PITPNC1: variants seen among roughly 807,000 people sequenced by gnomAD.
PITPNC1 encodes cytoplasmic phosphatidylinositol transfer protein 1.
PITPNC1 carries 18 observed loss-of-function variants against 44.7 expected under a neutral mutation model. That is an observed-to-expected ratio of 0.40 (90% CI 0.28 to 0.60). PITPNC1 has a LOEUF of 0.60. PITPNC1 is among the 20% of genes least tolerant of loss of function. The pLI, the probability that PITPNC1 is intolerant of heterozygous loss-of-function variation, is 0.39. For synonymous variants in PITPNC1, 141 were observed against 149.6 expected (o/e 0.94, Z 0.42); for missense variants, 290 against 418.4 (o/e 0.69, Z 2.68).
At chr17:67,658,787 C>G (rs1272615828) in intron 6 of PITPNC1, among the ~76,000 whole-genome samples, 1 of 152,032 alleles carries the variant, frequency 6.6e-6, no homozygotes, top group African/African-American at 2.4e-5. Flanking sequence ...CTATCCTTTA[C>G]TTACTCAGTT....
At position 67,494,185 on chromosome 17, in the gene PITPNC1, T is replaced by TTCTTTCTCTTTCTTTCTTTCTTTCTTTC; in HGVS notation, c.49-38616_49-38615insCTTTCTCTTTCTTTCTTTCTTTCTTTCT. Among the ~76,000 whole-genome samples the TTCTTTCTCTTTCTTTCTTTCTTTCTTTC allele has an allele frequency of 8.6e-4, 88 of 102,494 alleles. 1 individual carries two copies. Among genetic ancestry groups the TTCTTTCTCTTTCTTTCTTTCTTTCTTTC allele is most frequent in the East Asian group, 6.7e-3 (23 of 3,454 alleles). The allele number at this position is 102,494 out of a possible 152,430, so 67.2% of individuals were successfully genotyped here. On this transcript the variant is annotated intron_variant, in intron 1 of 8. Transcript: ENST00000581322. ...CCTCTTTCTTTCTTTCTTTCTTTCTTTTTCTTTCTTTCTTTCTTTCTTTCT... is the reference window on the plus strand; with the variant it reads ...CCTCTTTCTTTCTTTCTTTCTTTCTTTCTTTCTCTTTCTTTCTTTCTTTCTTTCTTTCTTTCTTTCTTTCTTTCTTTCT...
intron 2 of PITPNC1, among the ~76,000 whole-genome samples, chr17:67,534,885 C>T (rs75039096): frequency 1.5e-3 from 222 of 152,210 alleles, no homozygotes; most frequent in Middle Eastern, 0.014. Flanking sequence ...GGGCCTCGGA[C>T]GTGGTTAGAC....
chr17:67,430,332 C>T (rs2038836845), intron 1 of PITPNC1, among the ~76,000 whole-genome samples: 1 of 151,286 alleles, frequency 6.6e-6, no homozygotes. Flanking sequence ...GTGGTGAATC[C>T]CTGTCTCTAC....
intron 7 of PITPNC1, among the ~76,000 whole-genome samples, chr17:67,673,565 T>C (rs2042548092): frequency 6.6e-6 from 1 of 152,152 alleles, no homozygotes; most frequent in Non-Finnish European, 1.5e-5. Context: ...CTTTCAATGG[T>C]AAACGGCCTT....
At chr17:67,467,383 CTT>C (rs2039444390) in intron 1 of PITPNC1, among the ~76,000 whole-genome samples, 2 of 152,044 alleles carry the variant, frequency 1.3e-5, no homozygotes, top group African/African-American at 4.8e-5. Context: ...ACTAAAATAT[CTT>C]TTCAGATACA....
intron 5 of PITPNC1, among the ~76,000 whole-genome samples, chr17:67,587,986 C>T (rs1017913327): frequency 1.3e-5 from 2 of 152,028 alleles, no homozygotes; most frequent in Non-Finnish European, 2.9e-5. Flanking sequence ...TGACAATAGC[C>T]ATCGTGAAGT....
chr17:67,537,446 G>T lies in PITPNC1; in HGVS notation c.197+4496G>T, dbSNP rs545360119. On this transcript the variant is annotated intron_variant, in intron 2 of 8. Coordinates refer to ENST00000581322, the MANE Select transcript of PITPNC1 (RefSeq NM_012417.4). ...GAAAATATAATTTAAAAAATTTTTTGTTTATAATAGAAAAAGAAACAAAGT... is the reference window on the plus strand; with the variant it reads ...GAAAATATAATTTAAAAAATTTTTTTTTTATAATAGAAAAAGAAACAAAGT... Among the ~76,000 whole-genome samples, 139 of 152,094 alleles carry T rather than the reference G, an allele frequency of 9.1e-4. No homozygotes were observed. In the South Asian group the frequency reaches 0.027, roughly 29 times the overall value.
chr17:67,649,154 A>G (rs939090918), intron 6 of PITPNC1, among the ~76,000 whole-genome samples: 9 of 152,284 alleles, frequency 5.9e-5, no homozygotes, highest in Admixed American at 4.6e-4. Flanking sequence ...ACCCTGACAC[A>G]CACACAAAAA....
chr17:67,467,097 C>T (rs969055760), intron 1 of PITPNC1, among the ~76,000 whole-genome samples: 35 of 117,604 alleles, frequency 3.0e-4, no homozygotes, highest in African/African-American at 1.1e-3. Context: ...CTTGCTCTGT[C>T]ACCCAGGCTG....
chr17:67,550,855 A>G (rs1446362125), intron 2 of PITPNC1, among the ~76,000 whole-genome samples: 5 of 152,112 alleles, frequency 3.3e-5, no homozygotes. Context: ...AGGTCAGGAG[A>G]TCGAGACCAT....
chr17:67,408,995 A>T (rs1182380735), intron 1 of PITPNC1: 2 of 150,772 alleles, frequency 1.3e-5, no homozygotes, highest in Non-Finnish European at 2.9e-5. Flanking sequence ...TTATAGTTTC[A>T]GCTCTTACAT....
chr17:67,483,140 G>A (rs928843283), intron 1 of PITPNC1, among the ~76,000 whole-genome samples: 2 of 152,150 alleles, frequency 1.3e-5, no homozygotes. Context: ...TTAAACCCCA[G>A]GTCCTTTCTG....
Position 67,448,989 on chromosome 17 carries a change from A to G in PITPNC1, c.48+70787A>G, listed in dbSNP as rs541852964. ...GCCATGTTGGCCGAACTGCTCTCGA[A>G]CTCCTGACCTCAGGCAATCCTCCCG... is the stretch of plus-strand genomic sequence containing the variant. On this transcript the variant is annotated intron_variant, in intron 1 of 8. Coordinates refer to ENST00000581322, the MANE Select transcript of PITPNC1 (RefSeq NM_012417.4). 2.6e-5 allele frequency among the ~76,000 whole-genome samples: 4 copies of G among 152,056 alleles called. No individual in the cohort carries two copies. The South Asian group carries it at 8.3e-4, about 32-fold the overall frequency.
At chr17:67,589,619 A>T (rs1056672834) in intron 5 of PITPNC1, among the ~76,000 whole-genome samples, 6 of 151,778 alleles carry the variant, frequency 4.0e-5, no homozygotes, top group Admixed American at 1.3e-4. Context: ...AAAAAAAAAA[A>T]AGCCATCAAT....
intron 1 of PITPNC1, among the ~76,000 whole-genome samples, chr17:67,461,798 AGGGAGACCCTGT>A (rs1217555625): frequency 6.6e-6 from 1 of 152,196 alleles, no homozygotes; most frequent in Non-Finnish European, 1.5e-5. Context: ...TGGGTGACTG[AGGGAGACCCTGT>A]CTCTAAACAA....
At chr17:67,421,899 C>G (rs2038677109) in intron 1 of PITPNC1, among the ~76,000 whole-genome samples, 1 of 152,140 alleles carries the variant, frequency 6.6e-6, no homozygotes, top group Admixed American at 6.5e-5. Context: ...TCTAACACAG[C>G]CAAGGCAATG....
chr17:67,693,067 C>T lies in PITPNC1; in HGVS notation c.*179C>T. The T allele has an allele frequency of 1.7e-6, 1 of 574,248 alleles. No homozygotes were observed. The highest frequency in any genetic ancestry group is 2.3e-5 in the South Asian group (1 of 42,820). The allele number at this position is 574,248 out of a possible 1,614,324, so 35.6% of individuals were successfully genotyped here. ...ATGATTCCCTAAGTATGCTACACAG[C>T]ATCATATTAGATGTAAGATGTAAGA... On this transcript the variant is annotated 3_prime_UTR_variant, in exon 9 of 9. Transcript: ENST00000581322.
chr17:67,675,579 T>A, intron 8 of PITPNC1, 37 bp downstream of exon 8: 1 of 1,390,818 alleles, frequency 7.2e-7, no homozygotes, highest in Non-Finnish European at 1.0e-6. Flanking sequence ...GTAGAACAAC[T>A]TCATGTTGTC....
chr17:67,657,160 T>TTTTG (rs2042279862), intron 6 of PITPNC1, among the ~76,000 whole-genome samples: 5 of 150,722 alleles, frequency 3.3e-5, no homozygotes, highest in African/African-American at 7.4e-5. Context: ...ACCCCCGTTT[T>TTTTG]TTTTGTTTTG....
Sources: allele counts gnomAD v4.1 joint callset (sites outside exome capture counted in the v4.1 genomes callset), GRCh38; gene constraint gnomAD v4.1.1; transcripts MANE v1.5; gene names NCBI Gene and HGNC (gene_info 2026-07-23, HGNC 2026-07-21).